ACOT7: variants seen among roughly 807,000 people sequenced by gnomAD.
ACOT7 encodes cytosolic acyl coenzyme A thioester hydrolase.
In ACOT7, 12 loss-of-function variants were observed where a neutral mutation model predicts 40.2. The observed-to-expected ratio is 0.30, with a 90% CI of 0.19 to 0.48. ACOT7 has a LOEUF of 0.48. Ranked by LOEUF, ACOT7 falls within the 20% of genes least tolerant of loss-of-function variation. The pLI, the probability that ACOT7 is intolerant of heterozygous loss-of-function variation, is 0.99. For missense variants in ACOT7, 395 were observed against 530.8 expected, an observed-to-expected ratio of 0.74 and a Z score of 2.51; for synonymous variants, 228 against 219.5, an observed-to-expected ratio of 1.04 and a Z score of -0.34.
chr1:6,329,323 G>A (rs1251359637), intron 4 of ACOT7, among the ~76,000 whole-genome samples: 1 of 152,216 alleles, frequency 6.6e-6, no homozygotes, highest in Non-Finnish European at 1.5e-5. Flanking sequence ...ACTGTGGGGA[G>A]TGTTTTAAGT....
intron 2 of ACOT7, 144 bp from the exon 3 acceptor site, chr1:6,339,733 A>C (rs1571322890): frequency 2.4e-4 from 187 of 763,558 alleles, no homozygotes; most frequent in South Asian, 7.3e-4. Context: ...ATTTATTGGC[A>C]CCGCGGTTTT....
At chr1:6,338,000 C>CAAAAAA (rs769360339) in intron 3 of ACOT7, among the ~76,000 whole-genome samples, 5 of 71,802 alleles carry the variant, frequency 7.0e-5, no homozygotes, top group Non-Finnish European at 1.3e-4. Context: ...GACACCATCT[C>CAAAAAA]AAAAAAAAAA....
chr1:6,371,461 C>T (rs1242424913), intron 1 of ACOT7, among the ~76,000 whole-genome samples: 1 of 151,644 alleles, frequency 6.6e-6, no homozygotes, highest in Non-Finnish European at 1.5e-5. Context: ...TTCCTGGGCT[C>T]AAGCGATTCT....
chr1:6,279,430 T>G lies in ACOT7; in HGVS notation c.1014+1672A>C, dbSNP rs1245142820. On this transcript the variant is annotated intron_variant, in intron 8 of 8. Transcript: ENST00000361521. ...CAGGAGGGTGGCAGCCTAGGGTACTTTGCCACAGAAGAGGCTGTGGGGCTG... is the reference window on the plus strand; with the variant it reads ...CAGGAGGGTGGCAGCCTAGGGTACTGTGCCACAGAAGAGGCTGTGGGGCTG... Among the ~76,000 whole-genome samples the G allele has an allele frequency of 3.9e-5, 6 of 152,224 alleles. No individual in the cohort carries two copies. The East Asian group carries it at 1.2e-3, about 29-fold the overall frequency.
At chr1:6,380,582 G>A (rs1368685572) in intron 1 of ACOT7, among the ~76,000 whole-genome samples, 5 of 135,026 alleles carry the variant, frequency 3.7e-5, no homozygotes, top group Non-Finnish European at 7.7e-5. Context: ...GAGCAAGACC[G>A]TCTCAAAAAA....
Position 6,286,601 on chromosome 1 carries a change from C to T in ACOT7, c.830-5315G>A, listed in dbSNP as rs185703153. ...GACAAGCCAGGAGACTGCACTGTGC[C>T]TCAGTTTCCTCATCTGCAAATGCTT... is the stretch of plus-strand genomic sequence containing the variant. On this transcript the variant is annotated intron_variant, in intron 7 of 8. Coordinates refer to ENST00000361521, the MANE Select transcript of ACOT7 (RefSeq NM_007274.4). Among the ~76,000 whole-genome samples the T allele has an allele frequency of 9.0e-4, 137 of 152,306 alleles. 2 individuals are homozygous for T. The highest frequency in any genetic ancestry group is 4.0e-4 in the Non-Finnish European group (27 of 68,020).
chr1:6,390,031 G>A (rs1571360335), intron 1 of ACOT7, among the ~76,000 whole-genome samples: 1 of 152,118 alleles, frequency 6.6e-6, no homozygotes, highest in East Asian at 1.9e-4. Context: ...TTTCAACTTG[G>A]GGTGTCAGCT....
intron 7 of ACOT7, among the ~76,000 whole-genome samples, chr1:6,293,431 C>T (rs1639727959): frequency 1.3e-5 from 2 of 152,202 alleles, no homozygotes; most frequent in African/African-American, 2.4e-5. Flanking sequence ...ACACAGAGGA[C>T]CCACTTGTTT....
intron 2 of ACOT7, among the ~76,000 whole-genome samples, chr1:6,343,822 A>G (rs3789480): frequency 0.26 from 39,706 of 152,256 alleles, 6,276 homozygotes; most frequent in African/African-American, 0.45. Flanking sequence ...CTATGGGCGC[A>G]TGCTTTTCCG....
At chr1:6,341,038 A>C (rs1641263802) in intron 2 of ACOT7, among the ~76,000 whole-genome samples, 1 of 151,896 alleles carries the variant, frequency 6.6e-6, no homozygotes, top group South Asian at 2.1e-4. Flanking sequence ...TCCATCTCAA[A>C]AACAACAACA....
At chr1:6,293,264 C>T (rs1166851897) in intron 7 of ACOT7, among the ~76,000 whole-genome samples, 2 of 152,190 alleles carry the variant, frequency 1.3e-5, no homozygotes, top group Non-Finnish European at 2.9e-5. Flanking sequence ...CTATGGAATG[C>T]ACGTTTCCCA....
At chr1:6,347,736 T>C (rs1641471557) in intron 2 of ACOT7, among the ~76,000 whole-genome samples, 1 of 151,308 alleles carries the variant, frequency 6.6e-6, no homozygotes, top group South Asian at 2.1e-4. Context: ...CATTGTACTC[T>C]AGCCTGGGTG....
intron 1 of ACOT7, among the ~76,000 whole-genome samples, chr1:6,350,963 C>G (rs774927450): frequency 1.3e-5 from 2 of 152,234 alleles, no homozygotes; most frequent in Non-Finnish European, 2.9e-5. Flanking sequence ...TGGGAGATCA[C>G]GCAGATCGCA....
At position 6,393,475 on chromosome 1, in the gene ACOT7, T is replaced by C. The variant is rs2148487450; in HGVS notation, c.-76A>G. ...GCGCCGGGGGCAATCGAACGCGGCC[T>C]CCCCGCGCCGACCCCGCCCCCGCGC... On this transcript the variant is annotated 5_prime_UTR_variant, in exon 1 of 9. Coordinates refer to ENST00000361521, the MANE Select transcript of ACOT7 (RefSeq NM_007274.4). The C allele has an allele frequency of 8.5e-7, 1 of 1,172,546 alleles. No homozygotes were observed. The allele number at this position is 1,172,546 out of a possible 1,614,324, so 72.6% of individuals were successfully genotyped here.
At chr1:6,326,968 C>T (rs903964849) in intron 5 of ACOT7, among the ~76,000 whole-genome samples, 7 of 151,850 alleles carry the variant, frequency 4.6e-5, no homozygotes, top group Non-Finnish European at 5.9e-5. Context: ...AGCCACTGAG[C>T]GAACACAAGG....
intron 5 of ACOT7, among the ~76,000 whole-genome samples, chr1:6,318,848 G>T (rs773377094): frequency 6.6e-6 from 1 of 152,198 alleles, no homozygotes; most frequent in African/African-American, 2.4e-5. Context: ...CCTGCCCAGG[G>T]GTAGCCATGA....
intron 6 of ACOT7, among the ~76,000 whole-genome samples, chr1:6,304,390 GTTCTT>G (rs1296823562): frequency 7.3e-5 from 10 of 136,632 alleles, no homozygotes; most frequent in African/African-American, 2.6e-4. Context: ...AGAAAAGTAC[GTTCTT>G]TTTTTTTTTT....
Position 6,280,734 on chromosome 1 carries a change from C to T in ACOT7, c.1014+368G>A, listed in dbSNP as rs1639330596. On this transcript the variant is annotated intron_variant, in intron 8 of 8. Coordinates refer to ENST00000361521, the MANE Select transcript of ACOT7 (RefSeq NM_007274.4). ...TCCTCATCCCCCTCCAGCATTCTTACACAATGCCAGGGAACACCAAGGCGC... is the reference window on the plus strand; with the variant it reads ...TCCTCATCCCCCTCCAGCATTCTTATACAATGCCAGGGAACACCAAGGCGC... Among the ~76,000 whole-genome samples the T allele has an allele frequency of 1.3e-5, 2 of 152,216 alleles. 1 individual carries two copies. The highest frequency in any genetic ancestry group is 4.1e-4 in the South Asian group (2 of 4,832).
chr1:6,288,136 G>T lies in ACOT7; in HGVS notation c.829+6728C>A, dbSNP rs991075734. On this transcript the variant is annotated intron_variant, in intron 7 of 8. Transcript: ENST00000361521. This position sits in a 1 kb window ranked among gnomAD's most constrained non-coding sequence, Gnocchi z 4.3. ...CCATTAGGGGCTCCACTGCTTGCCT[G>T]GGGGGCGGAGGCTCTCCCACTCTGT... is the stretch of plus-strand genomic sequence containing the variant. Among the ~76,000 whole-genome samples, 10 of 152,094 alleles carry T rather than the reference G, an allele frequency of 6.6e-5. No individual in the cohort carries two copies. Among genetic ancestry groups the T allele is most frequent in the African/African-American group, 2.2e-4 (9 of 41,424 alleles).
Sources: gnomAD v4.1 joint callset for allele counts (sites outside exome capture counted in the v4.1 genomes callset) on GRCh38, gnomAD v4.1.1 for gene constraint, Gnocchi (gnomAD v3.1) non-coding constraint, MANE v1.5 for transcripts, NCBI Gene and HGNC (gene_info 2026-07-23, HGNC 2026-07-21) for gene names.